CRADD: variants seen among roughly 807,000 people sequenced by gnomAD.
The protein encoded by CRADD is death domain-containing protein CRADD.
CRADD carries 9 observed loss-of-function variants against 15.5 expected under a neutral mutation model. The observed-to-expected ratio is 0.58, with a 90% confidence interval of 0.35 to 1.01. The LOEUF is 1.01. Among genes scored for constraint, CRADD ranks in the 50% least tolerant of loss-of-function variants. The pLI is 0.02. For missense variants in CRADD, 227 were observed against 250.3 expected, an observed-to-expected ratio of 0.91 and a Z score of 0.63; for synonymous variants, 118 against 107.6, an observed-to-expected ratio of 1.10 and a Z score of -0.60.
chr12:93,868,205 G>C (rs570300832), intron 2 of CRADD, among the ~76,000 whole-genome samples: 1 of 152,254 alleles, frequency 6.6e-6, no homozygotes, highest in East Asian at 1.9e-4. Context: ...GATGTTCATT[G>C]CATCATTGCT....
intron 2 of CRADD, among the ~76,000 whole-genome samples, chr12:93,727,877 T>C (rs900977985): frequency 6.6e-6 from 1 of 152,134 alleles, no homozygotes; most frequent in Non-Finnish European, 1.5e-5. Flanking sequence ...ACCACACCTG[T>C]TCAAGGGGGA....
exon 3 of CRADD, chr12:93,894,270 GT>G: frequency 1.8e-6 from 1 of 545,604 alleles, no homozygotes; most frequent in Non-Finnish European, 3.3e-6. Flanking sequence ...ATGTGTGTGG[GT>G]GGGCGGGGGG....
intron 2 of CRADD, among the ~76,000 whole-genome samples, chr12:93,706,763 C>T (rs539291863): frequency 1.3e-5 from 2 of 152,244 alleles, no homozygotes; most frequent in African/African-American, 4.8e-5. Flanking sequence ...TGGCAGCATC[C>T]GATTGAAAAT....
intron 2 of CRADD, among the ~76,000 whole-genome samples, chr12:93,887,175 A>G (rs749310092): frequency 6.6e-6 from 1 of 152,222 alleles, no homozygotes; most frequent in Non-Finnish European, 1.5e-5. Flanking sequence ...GAGAATTACA[A>G]TAGCTTACCC....
chr12:93,894,275 CG>C (rs1958597318), exon 3 of CRADD: 11 of 364,098 alleles, frequency 3.0e-5, no homozygotes, highest in South Asian at 2.2e-4. Context: ...TGTGGGTGGG[CG>C]GGGGGCAGGG....
chr12:93,690,007 A>G lies in CRADD; in HGVS notation c.298+10935A>G, dbSNP rs560496886. On this transcript the variant is annotated intron_variant, in intron 2 of 2. Coordinates refer to ENST00000332896, the MANE Select transcript of CRADD (RefSeq NM_003805.5). Reference sequence around the variant, plus strand: ...TTCAAATAGTAGAACTTCATGTAACATAAAAATAGGAATTTCTCTGAAATA... The same window carrying G: ...TTCAAATAGTAGAACTTCATGTAACGTAAAAATAGGAATTTCTCTGAAATA... Among the ~76,000 whole-genome samples the G allele has an allele frequency of 7.2e-5, 11 of 152,376 alleles. No individual in the cohort carries two copies. The South Asian group carries it at 1.0e-3, about 14-fold the overall frequency.
At chr12:93,871,095 T>G (rs983498016) in intron 2 of CRADD, among the ~76,000 whole-genome samples, 2 of 152,198 alleles carry the variant, frequency 1.3e-5, no homozygotes, top group African/African-American at 4.8e-5. Flanking sequence ...TCTGTATACC[T>G]CTCTTTGAGT....
intron 2 of CRADD, among the ~76,000 whole-genome samples, chr12:93,710,465 C>G (rs952975504): frequency 6.6e-6 from 1 of 151,538 alleles, no homozygotes; most frequent in Non-Finnish European, 1.5e-5. Context: ...CCTTCCTCAG[C>G]CTCCCTAGTA....
chr12:93,796,064 A>C (rs1957412612), intron 2 of CRADD, among the ~76,000 whole-genome samples: 1 of 152,190 alleles, frequency 6.6e-6, no homozygotes, highest in Non-Finnish European at 1.5e-5. Flanking sequence ...CTACTTATCT[A>C]ATGCATGTAA....
chr12:93,713,622 G>T (rs369486173), intron 2 of CRADD, among the ~76,000 whole-genome samples: 1 of 142,066 alleles, frequency 7.0e-6, no homozygotes, highest in East Asian at 2.3e-4. Context: ...TTTTCTTAAC[G>T]TTTTTTTTAA....
chr12:93,787,305 G>GTTTTTTTTTTTTTTTTTTTTTTT (rs34146137), intron 2 of CRADD, among the ~76,000 whole-genome samples: 1 of 124,744 alleles, frequency 8.0e-6, no homozygotes, highest in African/African-American at 3.4e-5. Context: ...GTATGACAGG[G>GTTTTTTTTTTTTTTTTTTTTTTT]TTTTTTTTTT....
At chr12:93,729,088 G>C (rs75968894) in intron 2 of CRADD, among the ~76,000 whole-genome samples, 3,136 of 152,228 alleles carry the variant, frequency 0.021, 78 homozygotes, top group East Asian at 0.093. Context: ...CACTAAATGG[G>C]ATGATAAAGA....
chr12:93,697,155 T>G (rs569776278), intron 2 of CRADD, among the ~76,000 whole-genome samples: 17 of 152,236 alleles, frequency 1.1e-4, no homozygotes, highest in Non-Finnish European at 2.5e-4. Context: ...ATGGTCCCAA[T>G]GTCTCCCAGA....
At chr12:93,882,487 C>T (rs1958509750) in intron 2 of CRADD, among the ~76,000 whole-genome samples, 1 of 151,368 alleles carries the variant, frequency 6.6e-6, no homozygotes, top group Admixed American at 6.6e-5. Context: ...ACACACTATC[C>T]CCCCACCCCC....
chr12:93,747,971 T>C (rs1223749751), intron 2 of CRADD, among the ~76,000 whole-genome samples: 1 of 152,076 alleles, frequency 6.6e-6, no homozygotes, highest in Non-Finnish European at 1.5e-5. Context: ...AGTGGTTTGC[T>C]CAGCTTGTAA....
chr12:93,710,740 A>G (rs182030744), intron 2 of CRADD, among the ~76,000 whole-genome samples: 6 of 152,092 alleles, frequency 3.9e-5, no homozygotes, highest in Non-Finnish European at 7.4e-5. Flanking sequence ...GCCCAAATTC[A>G]AAGGGAGGGG....
intron 2 of CRADD, among the ~76,000 whole-genome samples, chr12:93,681,009 C>CGA (rs1955280254): frequency 6.6e-6 from 1 of 152,042 alleles, no homozygotes; most frequent in South Asian, 2.1e-4. Context: ...CTCAGCCTCC[C>CGA]GAGTAGCTGG....
At chr12:93,771,473 A>T (rs1957084697) in intron 2 of CRADD, among the ~76,000 whole-genome samples, 2 of 152,184 alleles carry the variant, frequency 1.3e-5, no homozygotes, top group South Asian at 4.1e-4. Context: ...TTACTTAATA[A>T]TTGCTCTTTC....
intron 2 of CRADD, among the ~76,000 whole-genome samples, chr12:93,832,119 A>G (rs954844761): frequency 3.3e-5 from 5 of 152,188 alleles, no homozygotes; most frequent in African/African-American, 4.8e-5. Flanking sequence ...GGATCATTCC[A>G]TCAATCTAAT....
Sources: gnomAD v4.1 joint callset for allele counts (sites outside exome capture counted in the v4.1 genomes callset) on GRCh38, gnomAD v4.1.1 for gene constraint, MANE v1.5 for transcripts, NCBI Gene and HGNC (gene_info 2026-07-23, HGNC 2026-07-21) for gene names.